Variants in SS18 observed in about 807,000 individuals in gnomAD.
SS18 encodes the protein SS18 subunit of BAF chromatin remodeling complex, also known as protein SSXT.
SS18 carries 28 observed loss-of-function variants against 72.5 expected under a neutral mutation model. The observed-to-expected ratio is 0.39, with a 90% CI of 0.29 to 0.53. The LOEUF is 0.53. SS18 is among the 20% of genes least tolerant of loss of function. The pLI, the probability that SS18 is intolerant of heterozygous loss-of-function variation, is 0.76. For synonymous variants in SS18, 172 were observed against 164.2 expected (o/e 1.05, Z -0.37); for missense variants, 518 against 535.3 (o/e 0.97, Z 0.32).
At chr18:26,057,438 G>C in intron 4 of SS18, 151 bp downstream of exon 4, 1 of 836,404 alleles carries the variant, frequency 1.2e-6, no homozygotes, top group East Asian at 2.6e-5. Flanking sequence ...TACAGGTCAC[G>C]TAGCTCTGTA....
chr18:26,028,659 C>A (rs1261092701), intron 10 of SS18, among the ~76,000 whole-genome samples: 1 of 152,108 alleles, frequency 6.6e-6, no homozygotes, highest in East Asian at 1.9e-4. Context: ...CAGATAAAAA[C>A]CAGAACATAC....
rs542942160 is a variant in SS18, at chr18:26,047,419, G to C, written c.607+5205C>G. ...TTCCAAAGTATTTTACTAGTAATTAGTAAATCTATTAATACCATAACTTAG... is the reference window on the plus strand; with the variant it reads ...TTCCAAAGTATTTTACTAGTAATTACTAAATCTATTAATACCATAACTTAG... On this transcript the variant is annotated intron_variant, in intron 5 of 10. Transcript: ENST00000415083. 6.8e-4 allele frequency among the ~76,000 whole-genome samples: 104 copies of C among 152,142 alleles called. No individual in the cohort carries two copies. In the Middle Eastern group the frequency reaches 0.01, roughly 15 times the overall value.
intron 10 of SS18, among the ~76,000 whole-genome samples, chr18:26,031,377 C>T (rs1355019621): frequency 6.6e-6 from 1 of 152,134 alleles, no homozygotes; most frequent in African/African-American, 2.4e-5. Flanking sequence ...ACCACTGCAT[C>T]TGAGTTTTTC....
rs1430164751 is a variant in SS18 at position 26,017,074 on chromosome 18, C to T, written c.*1280G>A. The T allele has an allele frequency of 4.1e-5, 9 of 220,712 alleles. No individual in the cohort carries two copies. In the South Asian group the frequency reaches 1.3e-3, roughly 32 times the overall value. 13.7% of individuals were successfully genotyped at this position (220,712 alleles called of 1,614,324 possible). On this transcript the variant is annotated 3_prime_UTR_variant, in exon 11 of 11. Coordinates refer to ENST00000415083, the MANE Select transcript of SS18 (RefSeq NM_001007559.3). ...TTTCAATGCATGCTTTCCTGCCCCA[C>T]GCAATCTCCCTGAATTTAGCTAAAA...
intron 5 of SS18, among the ~76,000 whole-genome samples, chr18:26,043,999 C>T (rs1353991092): frequency 6.6e-6 from 1 of 152,036 alleles, no homozygotes; most frequent in Non-Finnish European, 1.5e-5. Context: ...TCATACTAAC[C>T]ATTTCTTCAA....
chr18:26,077,159 C>A (rs1246888472), intron 3 of SS18, among the ~76,000 whole-genome samples: 1 of 151,992 alleles, frequency 6.6e-6, no homozygotes, highest in Admixed American at 6.5e-5. Flanking sequence ...AGACAGGGAA[C>A]TTTATAATGG....
At chr18:26,034,403 T>C (rs1455552746) in intron 9 of SS18, among the ~76,000 whole-genome samples, 1 of 152,140 alleles carries the variant, frequency 6.6e-6, no homozygotes, top group African/African-American at 2.4e-5. Flanking sequence ...TCTAAGAAGT[T>C]AAAGTCAGAT....
At chr18:26,030,455 A>G (rs1163148613) in intron 10 of SS18, among the ~76,000 whole-genome samples, 2 of 151,820 alleles carry the variant, frequency 1.3e-5, no homozygotes, top group Admixed American at 6.6e-5. Context: ...GTATCATATC[A>G]TATGTTTACC....
chr18:26,074,530 C>T (rs2144122731), intron 3 of SS18, among the ~76,000 whole-genome samples: 1 of 152,126 alleles, frequency 6.6e-6, no homozygotes, highest in East Asian at 1.9e-4. Flanking sequence ...TTAACAGAAA[C>T]TTGCAAAAAC....
intron 10 of SS18, among the ~76,000 whole-genome samples, chr18:26,031,999 G>A (rs1229927139): frequency 6.6e-6 from 1 of 152,010 alleles, no homozygotes; most frequent in Non-Finnish European, 1.5e-5. Flanking sequence ...GGATGAGAAG[G>A]GATCACGGAG....
At chr18:26,083,214 G>A (rs537316630) in intron 2 of SS18, among the ~76,000 whole-genome samples, 12 of 152,240 alleles carry the variant, frequency 7.9e-5, no homozygotes, top group Non-Finnish European at 1.6e-4. Flanking sequence ...GTATATGTGA[G>A]AAAATGAGAT....
intron 3 of SS18, among the ~76,000 whole-genome samples, chr18:26,068,878 A>G (rs2054265010): frequency 6.6e-6 from 1 of 152,216 alleles, no homozygotes; most frequent in South Asian, 2.1e-4. Flanking sequence ...TTAAGTATAT[A>G]TTTAAATAAA....
chr18:26,063,947 G>A (rs751881144), intron 3 of SS18, among the ~76,000 whole-genome samples: 1 of 152,070 alleles, frequency 6.6e-6, no homozygotes, highest in Non-Finnish European at 1.5e-5. Context: ...GGGGGCATCA[G>A]TACATATGCT....
In SS18 at chr18:26,057,756, G is replaced by A; in HGVS notation, c.232-14C>T. On this transcript the variant is annotated splice_polypyrimidine_tract_variant and intron_variant, in intron 3 of 10. Coordinates refer to ENST00000415083, the MANE Select transcript of SS18 (RefSeq NM_001007559.3). The stretch of plus-strand genomic sequence containing the variant: ...CTGTGTGGGTGGCTGAAAGAAGACA[G>A]TTTAGTAAAACAAGAGAAACAGACT... The A allele has an allele frequency of 1.3e-6, 2 of 1,586,108 alleles. No homozygotes were observed. Among genetic ancestry groups the A allele is most frequent in the Non-Finnish European group, 1.7e-6 (2 of 1,163,576 alleles).
At chr18:26,039,252 TTACATTAAG>T in intron 6 of SS18, 28 bp downstream of exon 6, 1 of 1,535,404 alleles carries the variant, frequency 6.5e-7, no homozygotes, top group Non-Finnish European at 8.9e-7. Flanking sequence ...AGCCTTTCAA[TTACATTAAG>T]TAGCAAATTT....
rs1002992709 is a variant in SS18, at chr18:26,016,695, C to G, written c.*1659G>C. 4.9e-6 allele frequency: 1 copy of G among 204,118 alleles called. No homozygotes were observed. The highest frequency in any genetic ancestry group is 1.0e-5 in the Non-Finnish European group (1 of 99,598). 12.6% of individuals were successfully genotyped at this position (204,118 alleles called of 1,614,324 possible). A position where few individuals can be genotyped will look rare whatever the true frequency, so the allele number is the denominator to read the frequency against. On this transcript the variant is annotated 3_prime_UTR_variant, in exon 11 of 11. Coordinates refer to ENST00000415083, the MANE Select transcript of SS18 (RefSeq NM_001007559.3). ...CTGAGATTGCGCCACTGCACTCCAG[C>G]CTGGGCGACAAGAGCAAGACTCCAT...
chr18:26,050,863 TGTGCCACTGCACTCCAGCCTG>T (rs2053909955), intron 5 of SS18, among the ~76,000 whole-genome samples: 1 of 152,060 alleles, frequency 6.6e-6, no homozygotes, highest in South Asian at 2.1e-4. Context: ...GAGCAGAGAT[TGTGCCACTGCACTCCAGCCTG>T]GGCAACAGAG....
intron 3 of SS18, among the ~76,000 whole-genome samples, chr18:26,076,901 G>C (rs2054423882): frequency 6.6e-6 from 1 of 151,916 alleles, no homozygotes; most frequent in South Asian, 2.1e-4. Context: ...GGTTGCTAGA[G>C]ACCAACTCAT....
chr18:26,024,195 G>C (rs2053404777), intron 10 of SS18, among the ~76,000 whole-genome samples: 1 of 152,142 alleles, frequency 6.6e-6, no homozygotes, highest in African/African-American at 2.4e-5. Flanking sequence ...CCAAATATTT[G>C]AAAACGAAAT....
Sources: gnomAD v4.1 joint callset for allele counts (sites outside exome capture counted in the v4.1 genomes callset) on GRCh38, gnomAD v4.1.1 for gene constraint, MANE v1.5 for transcripts, NCBI Gene and HGNC (gene_info 2026-07-23, HGNC 2026-07-21) for gene names.